FHIP1A: variants seen among roughly 807,000 people sequenced by gnomAD.
The protein encoded by FHIP1A is FHF complex subunit HOOK interacting protein 1A, also known as FHF complex subunit HOOK-interacting protein 1A.
Under a neutral mutation model 88.6 loss-of-function variants are expected in FHIP1A, and 61 were observed. The observed-to-expected ratio is 0.69, with a 90% confidence interval of 0.56 to 0.85. The LOEUF (loss-of-function observed/expected upper bound fraction) is 0.85, where lower values mean the gene tolerates loss of function less well. FHIP1A is among the 40% of genes least tolerant of loss of function. FHIP1A has a pLI of 0.00. For synonymous variants in FHIP1A, 478 were observed against 496.0 expected (o/e 0.96, Z 0.48); for missense variants, 1,154 against 1,273.5 (o/e 0.91, Z 1.43).
intron 3 of FHIP1A, among the ~76,000 whole-genome samples, chr4:151,516,698 A>G (rs1731251498): frequency 6.6e-6 from 1 of 152,264 alleles, no homozygotes; most frequent in Admixed American, 6.5e-5. Flanking sequence ...GACACATGAA[A>G]AAATGCTCAC....
At chr4:151,484,747 CA>C (rs1391443308) in intron 3 of FHIP1A, among the ~76,000 whole-genome samples, 11 of 152,278 alleles carry the variant, frequency 7.2e-5, no homozygotes, top group African/African-American at 2.6e-4. Flanking sequence ...AGACAAATAG[CA>C]GGTGGATAGA....
chr4:151,659,704 T>C (rs1383612254), intron 13 of FHIP1A, among the ~76,000 whole-genome samples: 1 of 152,228 alleles, frequency 6.6e-6, no homozygotes, highest in Non-Finnish European at 1.5e-5. Flanking sequence ...GACCCTTTTA[T>C]GAGGGGCGTA....
At chr4:151,468,012 T>C (rs11099816) in intron 2 of FHIP1A, among the ~76,000 whole-genome samples, 76,948 of 146,964 alleles carry the variant, frequency 0.52, 20,310 homozygotes, top group African/African-American at 0.55. Flanking sequence ...AAGCCGGGCA[T>C]GTTGGCTCAT....
Position 151,438,304 on chromosome 4 carries a change from G to A in FHIP1A, c.-355-16397G>A, listed in dbSNP as rs569383202. Among the ~76,000 whole-genome samples the A allele has an allele frequency of 9.7e-4, 148 of 152,164 alleles. 1 individual carries two copies. Among genetic ancestry groups the A allele is most frequent in the Non-Finnish European group, 1.2e-3 (82 of 67,998 alleles). Reference sequence around the variant, plus strand: ...CTTAGATACTCTCCGAGATGTTTGCGTTCTCAGGAATACCTGTTTCTGGTT... The same window carrying A: ...CTTAGATACTCTCCGAGATGTTTGCATTCTCAGGAATACCTGTTTCTGGTT... On this transcript the variant is annotated intron_variant, in intron 1 of 13. Transcript: ENST00000435205.
chr4:151,590,547 A>G (rs1423273923), intron 7 of FHIP1A, among the ~76,000 whole-genome samples: 1 of 152,208 alleles, frequency 6.6e-6, no homozygotes, highest in Non-Finnish European at 1.5e-5. Flanking sequence ...TGTCTTCTCC[A>G]CAGTGGTATG....
At chr4:151,595,771 A>G (rs996176196) in intron 7 of FHIP1A, among the ~76,000 whole-genome samples, 16 of 152,142 alleles carry the variant, frequency 1.1e-4, no homozygotes, top group African/African-American at 3.9e-4. Flanking sequence ...TCCCTTTACC[A>G]TTATGTAATG....
chr4:151,451,925 A>T (rs1203544545), intron 1 of FHIP1A, among the ~76,000 whole-genome samples: 1 of 150,938 alleles, frequency 6.6e-6, no homozygotes, highest in Non-Finnish European at 1.5e-5. Flanking sequence ...GGCCCAAGAG[A>T]TCTTCCCATC....
At chr4:151,514,574 A>G (rs1300470150) in intron 3 of FHIP1A, among the ~76,000 whole-genome samples, 2 of 152,170 alleles carry the variant, frequency 1.3e-5, no homozygotes, top group Admixed American at 6.5e-5. Context: ...AATAAAGAAG[A>G]AAAGAGAGAA....
chr4:151,485,282 G>GGTTTTTTT (rs1730038043), intron 3 of FHIP1A, among the ~76,000 whole-genome samples: 1 of 118,730 alleles, frequency 8.4e-6, no homozygotes, highest in African/African-American at 3.4e-5. Context: ...ATCTTTTCCA[G>GGTTTTTTT]TTTTTTTTTT....
intron 3 of FHIP1A, among the ~76,000 whole-genome samples, chr4:151,497,946 A>C (rs928870085): frequency 6.6e-6 from 1 of 152,038 alleles, no homozygotes; most frequent in African/African-American, 2.4e-5. Flanking sequence ...GCATCCCCCA[A>C]AGTTGATATC....
chr4:151,661,597 ATTGT>A (rs1272259335), intron 13 of FHIP1A, among the ~76,000 whole-genome samples: 2 of 152,056 alleles, frequency 1.3e-5, no homozygotes, highest in African/African-American at 2.4e-5. Context: ...GAGTAATGAG[ATTGT>A]TTGGGTAGGG....
chr4:151,640,536 T>A (rs1425657889), intron 9 of FHIP1A, among the ~76,000 whole-genome samples: 1 of 152,210 alleles, frequency 6.6e-6, no homozygotes, highest in Admixed American at 6.5e-5. Flanking sequence ...AAGGCCTGAA[T>A]GAAATCCAGA....
At chr4:151,460,765 G>T (rs1398929481) in intron 2 of FHIP1A, among the ~76,000 whole-genome samples, 1 of 152,168 alleles carries the variant, frequency 6.6e-6, no homozygotes, top group Non-Finnish European at 1.5e-5. Flanking sequence ...ATCATGATAA[G>T]TATGGACCGA....
chr4:151,518,221 A>T (rs1404268276), intron 3 of FHIP1A, among the ~76,000 whole-genome samples: 2 of 152,128 alleles, frequency 1.3e-5, no homozygotes, highest in Non-Finnish European at 2.9e-5. Context: ...ATAGCTTTAG[A>T]TACACAAATA....
At chr4:151,614,173 A>C (rs546486812) in intron 7 of FHIP1A, among the ~76,000 whole-genome samples, 1 of 151,972 alleles carries the variant, frequency 6.6e-6, no homozygotes, top group South Asian at 2.1e-4. Context: ...AAAAAAAAAA[A>C]AAAAGTTTTA....
At chr4:151,415,944 GT>G (rs397880424) in intron 1 of FHIP1A, among the ~76,000 whole-genome samples, 67 of 144,622 alleles carry the variant, frequency 4.6e-4, no homozygotes, top group East Asian at 1.4e-3. Context: ...GGAGCATAGT[GT>G]TTTTTTTTTT....
At chr4:151,594,433 T>C (rs1352451337) in intron 7 of FHIP1A, among the ~76,000 whole-genome samples, 1 of 152,206 alleles carries the variant, frequency 6.6e-6, no homozygotes, top group Non-Finnish European at 1.5e-5. Flanking sequence ...GGGATTTGAC[T>C]ACTTCCTGAT....
intron 3 of FHIP1A, among the ~76,000 whole-genome samples, chr4:151,523,980 A>C (rs954054430): frequency 3.3e-5 from 5 of 151,818 alleles, no homozygotes; most frequent in Admixed American, 2.0e-4. Flanking sequence ...CTATTTTTTT[A>C]CTCAGTTGAT....
At chr4:151,414,905 T>C (rs1732826287) in intron 1 of FHIP1A, among the ~76,000 whole-genome samples, 1 of 152,184 alleles carries the variant, frequency 6.6e-6, no homozygotes. Flanking sequence ...TAGAAATATA[T>C]AATGTTAAAA....
Sources: allele counts gnomAD v4.1 joint callset (sites outside exome capture counted in the v4.1 genomes callset), GRCh38; gene constraint gnomAD v4.1.1; transcripts MANE v1.5; gene names NCBI Gene and HGNC (gene_info 2026-07-23, HGNC 2026-07-21).